The following SPATA6L variants were observed in gnomAD, a reference collection of about 807,000 sequenced individuals.
The protein encoded by SPATA6L is spermatogenesis associated 6-like protein.
A neutral mutation model predicts 49.2 loss-of-function variants in SPATA6L; 68 were observed. The observed-to-expected ratio is 1.38, with a 90% CI of 1.14 to 1.69. The LOEUF is 1.69. Ranked by LOEUF, SPATA6L falls within the 40% of genes most tolerant of loss-of-function variation. SPATA6L has a pLI of 0.00. For synonymous variants in SPATA6L, 198 were observed against 165.7 expected, an observed-to-expected ratio of 1.19 and a Z score of -1.50; for missense variants, 668 against 464.3, an observed-to-expected ratio of 1.44 and a Z score of -4.03.
At chr9:4,645,959 A>G (rs935685516) in intron 3 of SPATA6L, among the ~76,000 whole-genome samples, 1 of 152,218 alleles carries the variant, frequency 6.6e-6, no homozygotes, top group African/African-American at 2.4e-5. Flanking sequence ...TGAATTGTAC[A>G]TTTGAAAATG....
chr9:4,658,509 A>C (rs1838827163), intron 2 of SPATA6L, among the ~76,000 whole-genome samples: 1 of 152,192 alleles, frequency 6.6e-6, no homozygotes, highest in Non-Finnish European at 1.5e-5. Flanking sequence ...GAATTTTATA[A>C]AATGAAAAAG....
Position 4,638,489 on chromosome 9 carries a change from A to G in SPATA6L, c.227-3090T>C, listed in dbSNP as rs28688647. ...CAGCCTCCCGAAGTGCTGGGATTAC[A>G]GGTGTGAGCCACCACGCCCAGCCAA... On this transcript the variant is annotated intron_variant, in intron 3 of 11. Transcript: ENST00000682582. 4.1e-3 allele frequency among the ~76,000 whole-genome samples: 630 copies of G among 152,298 alleles called. 5 individuals are homozygous for G. Among genetic ancestry groups the G allele is most frequent in the African/African-American group, 0.014 (598 of 41,554 alleles).
chr9:4,646,252 G>A (rs1343201714), intron 3 of SPATA6L: 1 of 335,238 alleles, frequency 3.0e-6, no homozygotes, highest in African/African-American at 2.1e-5. Flanking sequence ...GGAAAGACAA[G>A]GAGTCTGTTT....
intron 4 of SPATA6L, among the ~76,000 whole-genome samples, chr9:4,631,460 A>G (rs1053259410): frequency 6.6e-6 from 1 of 152,004 alleles, no homozygotes. Context: ...GTAATATTAT[A>G]TATTATCTGA....
Position 4,661,670 on chromosome 9 carries a change from A to G in SPATA6L, c.177+229T>C, listed in dbSNP as rs372268200. 9.9e-5 allele frequency among the ~76,000 whole-genome samples: 15 copies of G among 152,246 alleles called. 1 individual carries two copies. The East Asian group carries it at 1.5e-3, about 16-fold the overall frequency. On this transcript the variant is annotated intron_variant, in intron 2 of 11. Transcript: ENST00000682582. ...TTAAAAAAATGCCATGGGAGTTCCAAGAATAGGAAACATCAACCAGGGTAT... is the reference window on the plus strand; with the variant it reads ...TTAAAAAAATGCCATGGGAGTTCCAGGAATAGGAAACATCAACCAGGGTAT...
intron 5 of SPATA6L, chr9:4,626,744 A>T: frequency 5.8e-6 from 2 of 344,632 alleles, no homozygotes; most frequent in South Asian, 5.3e-5. Context: ...ACAAAAGGAA[A>T]ATGAATGGCC....
Position 4,651,456 on chromosome 9 carries a change from T to A in SPATA6L, c.226+4585A>T, listed in dbSNP as rs544628083. 2.0e-5 allele frequency among the ~76,000 whole-genome samples: 3 copies of A among 152,124 alleles called. No homozygotes were observed. In the East Asian group the frequency reaches 5.8e-4, roughly 29 times the overall value. On this transcript the variant is annotated intron_variant, in intron 3 of 11. Coordinates refer to ENST00000682582, the MANE Select transcript of SPATA6L (RefSeq NM_001353486.2). ...TTAACACCAATTATTCACAACCTCT[T>A]CCAAAAACAGAGAAGAGGACAGAAC...
intron 4 of SPATA6L, among the ~76,000 whole-genome samples, chr9:4,631,487 A>C (rs184658101): frequency 6.7e-6 from 1 of 149,276 alleles, no homozygotes; most frequent in African/African-American, 2.6e-5. Context: ...AGACAGTAAT[A>C]TTATCTATTA....
chr9:4,660,062 A>C (rs2130786519), intron 2 of SPATA6L, among the ~76,000 whole-genome samples: 2 of 152,376 alleles, frequency 1.3e-5, no homozygotes, highest in East Asian at 3.9e-4. Flanking sequence ...TGTTAGACCT[A>C]AAACCATAAA....
chr9:4,625,204 C>G, intron 6 of SPATA6L, 123 bp downstream of exon 6: 2 of 1,420,850 alleles, frequency 1.4e-6, no homozygotes, highest in Non-Finnish European at 1.8e-6. Flanking sequence ...AATTATTATT[C>G]AATTTGAAGT....
chr9:4,619,949 T>C (rs1444188726), intron 7 of SPATA6L, among the ~76,000 whole-genome samples: 1 of 152,210 alleles, frequency 6.6e-6, no homozygotes, highest in Non-Finnish European at 1.5e-5. Context: ...AAGGTCAGCA[T>C]GGCTTCCCCC....
chr9:4,635,087 T>C (rs549663791), intron 4 of SPATA6L, among the ~76,000 whole-genome samples, 188 bp downstream of exon 4: 11 of 152,310 alleles, frequency 7.2e-5, no homozygotes, highest in African/African-American at 2.4e-4. Flanking sequence ...AGATAAAACT[T>C]CCACCTCTCA....
At chr9:4,612,885 T>G (rs192420205) in intron 9 of SPATA6L, among the ~76,000 whole-genome samples, 3 of 152,112 alleles carry the variant, frequency 2.0e-5, no homozygotes, top group African/African-American at 7.2e-5. Context: ...ACATAGCAAT[T>G]TGATAATGAA....
At chr9:4,609,694 G>A (rs569280878) in intron 9 of SPATA6L, among the ~76,000 whole-genome samples, 97 of 151,182 alleles carry the variant, frequency 6.4e-4, no homozygotes, top group African/African-American at 2.3e-3. Context: ...ATATCATACT[G>A]AATGGGCAAA....
chr9:4,602,501 T>C (rs1196262530), intron 11 of SPATA6L, among the ~76,000 whole-genome samples: 1 of 152,224 alleles, frequency 6.6e-6, no homozygotes, highest in Non-Finnish European at 1.5e-5. Context: ...AAAGCATGCA[T>C]GACCCTCAAA....
intron 2 of SPATA6L, among the ~76,000 whole-genome samples, chr9:4,660,939 C>T (rs527762270): frequency 1.4e-4 from 21 of 152,170 alleles, no homozygotes; most frequent in Admixed American, 4.6e-4. Flanking sequence ...GGACAGAAAA[C>T]CAAACACCGC....
At chr9:4,625,690 T>A in intron 5 of SPATA6L, 124 bp from the exon 6 acceptor site, 1 of 594,008 alleles carries the variant, frequency 1.7e-6, no homozygotes, top group Non-Finnish European at 2.6e-6. Flanking sequence ...CACCTCAGAT[T>A]TATAAAACAT....
intron 1 of SPATA6L, chr9:4,663,354 C>T (rs1840327305): frequency 1.3e-5 from 18 of 1,360,796 alleles, no homozygotes; most frequent in Non-Finnish European, 1.7e-5. Context: ...GCTTGTCCCT[C>T]TTAGGCATTT....
intron 3 of SPATA6L, among the ~76,000 whole-genome samples, chr9:4,647,386 G>A (rs571291294): frequency 7.8e-4 from 118 of 152,254 alleles, no homozygotes; most frequent in African/African-American, 2.7e-3. Flanking sequence ...GACGTCAGGA[G>A]TTCGAGACCA....
Sources: allele counts gnomAD v4.1 joint callset (sites outside exome capture counted in the v4.1 genomes callset), GRCh38; gene constraint gnomAD v4.1.1; transcripts MANE v1.5; gene names NCBI Gene and HGNC (gene_info 2026-07-23, HGNC 2026-07-21).